The following NIN variants were observed in gnomAD, a reference collection of about 807,000 sequenced individuals.
NIN encodes the protein glycogen synthase kinase 3 beta-interacting protein.
A neutral mutation model predicts 257.6 loss-of-function variants in NIN; 137 were observed. The ratio of observed to expected loss-of-function variants is 0.53; its 90% CI spans 0.46 to 0.61. The LOEUF (loss-of-function observed/expected upper bound fraction) is 0.61. NIN is among the 20% of genes least tolerant of loss of function. NIN has a pLI of 0.00. For missense variants in NIN, 2,439 were observed against 2,501.2 expected (o/e 0.98, Z 0.53); for synonymous variants, 918 against 919.8 (o/e 1.00, Z 0.04).
chr14:50,763,693 G>GA, intron 15 of NIN, 133 bp downstream of exon 15: 1 of 729,328 alleles, frequency 1.4e-6, no homozygotes, highest in South Asian at 2.3e-5. Context: ...AACAGCTCAA[G>GA]AAAAGAGTAT....
intron 2 of NIN, among the ~76,000 whole-genome samples, chr14:50,825,927 T>A (rs1427105340): frequency 2.0e-5 from 3 of 152,206 alleles, no homozygotes; most frequent in Non-Finnish European, 2.9e-5. Flanking sequence ...ACAGATAGAA[T>A]ACACATTCCC....
In NIN at chr14:50,758,331, G is replaced by C. The variant is rs191873665; in HGVS notation, c.2699C>G (p.Thr900Arg). Residue 900 changes from threonine to arginine, a missense_variant, in exon 18 of 31, where the codon ACA (threonine) becomes AGA (arginine). Coordinates refer to ENST00000530997, the MANE Select transcript of NIN (RefSeq NM_020921.4). ...LTQEREMLEKTYKEHLNSMVV... is the reference protein window; with the variant it reads ...LTQEREMLEKRYKEHLNSMVV... The stretch of plus-strand genomic sequence containing the variant: ...CATGCTGTTCAAATGTTCTTTGTAT[G>C]TTTTCTCCAGCATCTCTCTCTCCTG... 45 of 1,614,246 alleles carry C rather than the reference G, an allele frequency of 2.8e-5. No individual in the cohort carries two copies. In the East Asian group the frequency reaches 3.1e-4, roughly 11 times the overall value.
At chr14:50,778,744 C>T in intron 6 of NIN, 21 bp downstream of exon 6, 1 of 1,613,494 alleles carries the variant, frequency 6.2e-7, no homozygotes, top group Non-Finnish European at 8.5e-7. Flanking sequence ...CCAGGCACGT[C>T]CTGACACACT....
At chr14:50,750,240 G>C (rs1009487450) in intron 21 of NIN, among the ~76,000 whole-genome samples, 1 of 152,024 alleles carries the variant, frequency 6.6e-6, no homozygotes, top group Non-Finnish European at 1.5e-5. Flanking sequence ...TTTTATAGGA[G>C]AATGGTGCTT....
At chr14:50,827,738 G>C (rs1470924325) in intron 2 of NIN, among the ~76,000 whole-genome samples, 3 of 135,626 alleles carry the variant, frequency 2.2e-5, no homozygotes, top group Admixed American at 8.0e-5. Flanking sequence ...GCCCAGGAGA[G>C]AGCGAGAGAC....
At chr14:50,825,259 G>A (rs865963113) in intron 2 of NIN, among the ~76,000 whole-genome samples, 34 of 152,348 alleles carry the variant, frequency 2.2e-4, no homozygotes, top group African/African-American at 6.5e-4. Flanking sequence ...AGCAAAGCAG[G>A]AGATGTGAAA....
chr14:50,769,562 ATCTCTGC>A (rs948126106), intron 12 of NIN, among the ~76,000 whole-genome samples: 5 of 152,042 alleles, frequency 3.3e-5, no homozygotes, highest in Non-Finnish European at 5.9e-5. Flanking sequence ...CAGTGGCACA[ATCTCTGC>A]TCACTGCAAC....
chr14:50,764,105 T>C (rs189184936), intron 14 of NIN, 141 bp from the exon 15 acceptor site: 56 of 692,144 alleles, frequency 8.1e-5, no homozygotes, highest in East Asian at 7.6e-4. Context: ...TAGAAATGTT[T>C]TGCAAATTAA....
intron 12 of NIN, among the ~76,000 whole-genome samples, chr14:50,767,742 G>A (rs1441901620): frequency 4.0e-5 from 6 of 151,552 alleles, no homozygotes; most frequent in Middle Eastern, 3.2e-3. Context: ...GTGTGAACCC[G>A]GGAGGTGGAG....
At chr14:50,749,649 G>A (rs1159739578) in intron 21 of NIN, among the ~76,000 whole-genome samples, 1 of 151,870 alleles carries the variant, frequency 6.6e-6, no homozygotes, top group Non-Finnish European at 1.5e-5. Flanking sequence ...TTCCCTCCCA[G>A]CTTAAATTTT....
chr14:50,777,188 A>G lies in NIN; in HGVS notation c.476-49T>C, dbSNP rs375153220. 24 of 1,412,748 alleles carry G rather than the reference A, an allele frequency of 1.7e-5. No homozygotes were observed. The African/African-American group carries it at 2.6e-4, about 15-fold the overall frequency. 87.5% of individuals were successfully genotyped at this position (1,412,748 alleles called of 1,614,324 possible). On this transcript the variant is annotated intron_variant, in intron 6 of 30. Transcript: ENST00000530997. ...CGGTTTCCAAAGGAATTGCAAAGAG[A>G]GAGTGCCTATTCTTAAAGAAAACTG...
At chr14:50,747,884 G>C in intron 22 of NIN, 108 bp downstream of exon 22, 1 of 747,142 alleles carries the variant, frequency 1.3e-6, no homozygotes, top group Middle Eastern at 2.4e-4. Context: ...CAAGCTAGTT[G>C]ACAGAACTTG....
intron 4 of NIN, among the ~76,000 whole-genome samples, chr14:50,800,785 CT>C (rs11362674): frequency 0.87 from 120,511 of 138,778 alleles, 52,419 homozygotes; most frequent in East Asian, 0.99. Context: ...TTTTTCTTTG[CT>C]TTTTTTTTTT....
At chr14:50,766,259 C>A (rs993035014) in intron 14 of NIN, 48 bp downstream of exon 14, 6 of 1,475,284 alleles carry the variant, frequency 4.1e-6, no homozygotes, top group African/African-American at 1.4e-5. Context: ...AAGCTGGGGT[C>A]TGAACCCAGG....
At chr14:50,733,750 T>C (rs952564560) in intron 28 of NIN, among the ~76,000 whole-genome samples, 1 of 152,162 alleles carries the variant, frequency 6.6e-6, no homozygotes, top group Non-Finnish European at 1.5e-5. Context: ...ATCTTATTCC[T>C]CAGAGTATAT....
intron 28 of NIN, among the ~76,000 whole-genome samples, chr14:50,732,058 A>C (rs1174828649): frequency 6.6e-6 from 1 of 152,168 alleles, no homozygotes. Context: ...TCATGTTGAA[A>C]AAGCTCCGAA....
intron 27 of NIN, among the ~76,000 whole-genome samples, chr14:50,737,096 G>A (rs561390690): frequency 2.4e-4 from 37 of 152,288 alleles, no homozygotes; most frequent in African/African-American, 8.4e-4. Flanking sequence ...GTTAGTCTGC[G>A]TGACAAATAC....
At chr14:50,736,211 C>T (rs936879783) in intron 27 of NIN, among the ~76,000 whole-genome samples, 5 of 151,960 alleles carry the variant, frequency 3.3e-5, no homozygotes, top group African/African-American at 1.2e-4. Flanking sequence ...CAGCTCACTG[C>T]AACCTGCGCT....
chr14:50,733,415 G>T (rs1277186902), intron 28 of NIN, among the ~76,000 whole-genome samples: 1 of 152,142 alleles, frequency 6.6e-6, no homozygotes, highest in Non-Finnish European at 1.5e-5. Context: ...ATTTCCTAAT[G>T]AAAGTTTCAT....
Sources: allele counts gnomAD v4.1 joint callset (sites outside exome capture counted in the v4.1 genomes callset), GRCh38; gene constraint gnomAD v4.1.1; transcripts MANE v1.5; gene names NCBI Gene and HGNC (gene_info 2026-07-23, HGNC 2026-07-21).